ATP9A: variants seen among roughly 807,000 people sequenced by gnomAD.
The protein encoded by ATP9A is probable phospholipid-transporting ATPase IIA.
ATP9A carries 52 observed loss-of-function variants against 144.1 expected under a neutral mutation model. The ratio of observed to expected loss-of-function variants is 0.36; its 90% confidence interval spans 0.29 to 0.45. The LOEUF (loss-of-function observed/expected upper bound fraction) is 0.45, where lower values mean the gene tolerates loss of function less well. Ranked by LOEUF, ATP9A falls within the 20% of genes least tolerant of loss-of-function variation. The pLI is 1.00. For missense variants in ATP9A, 947 were observed against 1,392.7 expected, an observed-to-expected ratio of 0.68 and a Z score of 5.09; for synonymous variants, 582 against 557.4, an observed-to-expected ratio of 1.04 and a Z score of -0.62.
chr20:51,618,891 T>A, intron 20 of ATP9A, 63 bp downstream of exon 20: 1 of 1,598,574 alleles, frequency 6.3e-7, no homozygotes. Flanking sequence ...GCAGTGCCCC[T>A]GCCGAAGCCG....
chr20:51,690,154 C>T (rs1428645849), intron 8 of ATP9A, among the ~76,000 whole-genome samples: 2 of 137,564 alleles, frequency 1.5e-5, no homozygotes, highest in Non-Finnish European at 3.1e-5. Context: ...GGCTCAGTGG[C>T]TCATGCCTGT....
chr20:51,620,792 G>C (rs375458935), intron 19 of ATP9A, among the ~76,000 whole-genome samples: 4 of 152,274 alleles, frequency 2.6e-5, no homozygotes, highest in Admixed American at 6.5e-5. Context: ...CTGAAAGGAG[G>C]GGGGAGTGCG....
intron 1 of ATP9A, among the ~76,000 whole-genome samples, chr20:51,735,432 A>C (rs977976969): frequency 6.6e-6 from 1 of 152,150 alleles, no homozygotes; most frequent in Non-Finnish European, 1.5e-5. Context: ...TTTTAGTAAG[A>C]TTTGCATTTT....
At chr20:51,656,410 G>A (rs1001338403) in intron 14 of ATP9A, among the ~76,000 whole-genome samples, 14 of 151,960 alleles carry the variant, frequency 9.2e-5, no homozygotes, top group Admixed American at 6.6e-4. Flanking sequence ...AAAATTAGCC[G>A]GGCATGGTGG....
In ATP9A at chr20:51,599,435, A is replaced by T. The variant is rs1432873737; in HGVS notation, c.*1776T>A. 3 of 152,210 alleles carry T rather than the reference A, an allele frequency of 2.0e-5. No homozygotes were observed. Among genetic ancestry groups the T allele is most frequent in the Non-Finnish European group, 2.9e-5 (2 of 68,036 alleles). The allele number at this position is 152,210 out of a possible 1,614,324, so 9.4% of individuals were successfully genotyped here. A position where few individuals can be genotyped will look rare whatever the true frequency, so the allele number is the denominator to read the frequency against. On this transcript the variant is annotated 3_prime_UTR_variant, in exon 28 of 28. Coordinates refer to ENST00000338821, the MANE Select transcript of ATP9A (RefSeq NM_006045.3). ...TGCTCAATCTTTCTGAAATTTTTGG[A>T]CAAAGATCCTATCCTTAACTATTCA...
intron 5 of ATP9A, among the ~76,000 whole-genome samples, chr20:51,696,509 T>C (rs116439026): frequency 1.3e-3 from 199 of 152,282 alleles, no homozygotes; most frequent in African/African-American, 4.6e-3. Context: ...CCCTCCTCTC[T>C]CGCTTTCTGC....
At chr20:51,677,565 C>T (rs2077482707) in intron 9 of ATP9A, among the ~76,000 whole-genome samples, 1 of 152,138 alleles carries the variant, frequency 6.6e-6, no homozygotes, top group Non-Finnish European at 1.5e-5. Context: ...ATACAGGCTT[C>T]CAGAGGTGCC....
chr20:51,738,116 C>T (rs1474864676), intron 1 of ATP9A, among the ~76,000 whole-genome samples: 1 of 151,594 alleles, frequency 6.6e-6, no homozygotes, highest in Non-Finnish European at 1.5e-5. Context: ...GCAACCTCCA[C>T]CTCCTGGGTT....
chr20:51,663,652 G>GGCAT (rs1371703481), intron 13 of ATP9A, among the ~76,000 whole-genome samples: 1 of 151,980 alleles, frequency 6.6e-6, no homozygotes, highest in East Asian at 2.0e-4. Context: ...AAATTAGCTG[G>GGCAT]GCATGGTGGT....
At chr20:51,702,806 A>G (rs2077599784) in intron 4 of ATP9A, among the ~76,000 whole-genome samples, 1 of 152,228 alleles carries the variant, frequency 6.6e-6, no homozygotes, top group Non-Finnish European at 1.5e-5. Context: ...ACGGAGAAGT[A>G]ACCTAACAGA....
chr20:51,750,023 T>C (rs1338573372), intron 1 of ATP9A, among the ~76,000 whole-genome samples: 2 of 151,942 alleles, frequency 1.3e-5, no homozygotes, highest in African/African-American at 4.8e-5. Flanking sequence ...GGTATAGTGG[T>C]GGGCACCTGT....
At chr20:51,744,062 C>T (rs1001510869) in intron 1 of ATP9A, among the ~76,000 whole-genome samples, 8 of 152,032 alleles carry the variant, frequency 5.3e-5, no homozygotes, top group African/African-American at 1.9e-4. Context: ...ATAACTTTCT[C>T]ACCCATTGAT....
At chr20:51,638,117 A>ATATC (rs1555831225) in intron 15 of ATP9A, among the ~76,000 whole-genome samples, 1 of 102,962 alleles carries the variant, frequency 9.7e-6, no homozygotes, top group Non-Finnish European at 1.9e-5. Flanking sequence ...ATATATATAT[A>ATATC]TATATATCTC....
intron 2 of ATP9A, among the ~76,000 whole-genome samples, chr20:51,728,872 G>A (rs1029063034): frequency 6.6e-6 from 1 of 151,756 alleles, no homozygotes; most frequent in Non-Finnish European, 1.5e-5. Flanking sequence ...TTCTGCATTG[G>A]AGCTGATTGC....
rs11477336 is a variant in ATP9A, at chr20:51,658,888, C to CG, written c.1294-1739dup. On this transcript the variant is annotated intron_variant, in intron 13 of 27. Transcript: ENST00000338821. ...ATATAATGAAAATTAAGACCACTGG[C>CG]GGGGGGGGGGGGGGGAAGGCTCATT... Among the ~76,000 whole-genome samples the CG allele has an allele frequency of 4.4e-4, 24 of 54,828 alleles. 1 individual carries two copies. Among genetic ancestry groups the CG allele is most frequent in the East Asian group, 3.4e-3 (1 of 292 alleles). 36.0% of individuals were successfully genotyped at this position (54,828 alleles called of 152,430 possible). A position where few individuals can be genotyped will look rare whatever the true frequency, so the allele number is the denominator to read the frequency against.
intron 1 of ATP9A, among the ~76,000 whole-genome samples, chr20:51,747,682 T>C (rs148288284): frequency 1.3e-5 from 2 of 152,286 alleles, no homozygotes. Flanking sequence ...GACTGTCGCC[T>C]TTCCCTGTTT....
At chr20:51,653,712 G>T (rs149968621) in intron 14 of ATP9A, among the ~76,000 whole-genome samples, 1 of 151,916 alleles carries the variant, frequency 6.6e-6, no homozygotes, top group Non-Finnish European at 1.5e-5. Flanking sequence ...GCTTGAACCC[G>T]GAAGGTGGAG....
At chr20:51,615,863 T>C (rs1446194367) in intron 22 of ATP9A, among the ~76,000 whole-genome samples, 1 of 152,202 alleles carries the variant, frequency 6.6e-6, no homozygotes, top group Non-Finnish European at 1.5e-5. Context: ...CTTGAACTCC[T>C]GACCTCAGGT....
rs542269480 is a variant in ATP9A, at chr20:51,754,633, G to A, written c.68+13669C>T. On this transcript the variant is annotated intron_variant, in intron 1 of 27. Transcript: ENST00000338821. ...GTTTGAGACCAGCCTGGCCAACATG[G>A]CTAAACCCTGTGTCTACTAAAAATA... Among the ~76,000 whole-genome samples, 4 of 151,688 alleles carry A rather than the reference G, an allele frequency of 2.6e-5. No homozygotes were observed. In the South Asian group the frequency reaches 8.3e-4, roughly 32 times the overall value.
Sources: allele counts gnomAD v4.1 joint callset (sites outside exome capture counted in the v4.1 genomes callset), GRCh38; gene constraint gnomAD v4.1.1; transcripts MANE v1.5; gene names NCBI Gene and HGNC (gene_info 2026-07-23, HGNC 2026-07-21).